The following ATM variants were observed in gnomAD, a reference collection of about 807,000 sequenced individuals.
ATM encodes the protein serine-protein kinase ATM.
In ATM, 308 loss-of-function variants were observed where a neutral mutation model predicts 387.0. That is an observed-to-expected ratio of 0.80 (90% CI 0.73 to 0.87). ATM has a LOEUF of 0.87. ATM is among the 40% of genes least tolerant of loss of function. ATM has a pLI of 0.00. For missense variants in ATM, 3,312 were observed against 3,560.9 expected (o/e 0.93, Z 1.78); for synonymous variants, 1,156 against 1,187.3 (o/e 0.97, Z 0.54).
chr11:108,293,992 ATCTT>A (rs2082984532), intron 31 of ATM, among the ~76,000 whole-genome samples: 4 of 150,632 alleles, frequency 2.7e-5, no homozygotes, highest in Admixed American at 2.7e-4. Flanking sequence ...AAAAAAATGA[ATCTT>A]AATGTATCTC....
At chr11:108,332,676 T>A (rs2136552707) in intron 52 of ATM, 86 bp from the exon 53 acceptor site, 2 of 1,396,272 alleles carry the variant, frequency 1.4e-6, no homozygotes, top group Non-Finnish European at 2.0e-6. Flanking sequence ...GTGCATAAAT[T>A]CTGTTTTTCT....
chr11:108,243,874 A>T (rs2135219463), intron 5 of ATM, 79 bp from the exon 6 acceptor site: 1 of 1,295,124 alleles, frequency 7.7e-7, no homozygotes, highest in South Asian at 1.4e-5. Flanking sequence ...GGATTATGGA[A>T]TATTTAAGTT....
chr11:108,331,373 C>G, intron 50 of ATM, 71 bp from the exon 51 acceptor site: 1 of 1,549,964 alleles, frequency 6.5e-7, no homozygotes, highest in Non-Finnish European at 8.7e-7. Flanking sequence ...CTTAAAATAA[C>G]TTACTTGCTT....
chr11:108,328,493 G>T (rs1333920430), intron 48 of ATM, among the ~76,000 whole-genome samples: 1 of 152,148 alleles, frequency 6.6e-6, no homozygotes, highest in African/African-American at 2.4e-5. Context: ...TGATCCACCT[G>T]CCTCGGCCTC....
intron 16 of ATM, among the ~76,000 whole-genome samples, chr11:108,261,978 C>G (rs1307755765): frequency 6.6e-6 from 1 of 152,108 alleles, no homozygotes; most frequent in African/African-American, 2.4e-5. Flanking sequence ...AAATATGGGA[C>G]TATGGGAAAA....
chr11:108,328,660 A>G (rs998813926), intron 48 of ATM, among the ~76,000 whole-genome samples: 2 of 152,246 alleles, frequency 1.3e-5, no homozygotes, highest in African/African-American at 4.8e-5. Context: ...AGAAAATACC[A>G]TAGTTCAGGG....
intron 45 of ATM, among the ~76,000 whole-genome samples, chr11:108,323,192 C>T (rs909947950): frequency 2.6e-5 from 4 of 152,082 alleles, no homozygotes; most frequent in African/African-American, 9.7e-5. Context: ...TTCAAAATGA[C>T]ATAGCAGAAG....
chr11:108,362,990 CAAAA>C (rs895050205), intron 61 of ATM, among the ~76,000 whole-genome samples: 2 of 151,446 alleles, frequency 1.3e-5, no homozygotes, highest in African/African-American at 4.9e-5. Context: ...AACAAACAAA[CAAAA>C]AAAACACACC....
At position 108,234,628 on chromosome 11, in the gene ATM, G is replaced by A. The variant is rs559101456; in HGVS notation, c.332-1042G>A. Among the ~76,000 whole-genome samples, 114 of 152,202 alleles carry A rather than the reference G, an allele frequency of 7.5e-4. 1 individual carries two copies. Among genetic ancestry groups the A allele is most frequent in the Non-Finnish European group, 1.0e-4 (7 of 68,014 alleles). On this transcript the variant is annotated intron_variant, in intron 4 of 62. Coordinates refer to ENST00000675843, the MANE Select transcript of ATM (RefSeq NM_000051.4). ...AAGACAGGAGAATCCCTTGAGCTCA[G>A]GAGTTCAAGACCAGCCTGGGGAACA...
At position 108,252,154 on chromosome 11, in the gene ATM, T is replaced by C. The variant is rs1296584393; in HGVS notation, c.1802+123T>C. 7.2e-6 allele frequency: 6 copies of C among 834,476 alleles called. No individual in the cohort carries two copies. The East Asian group carries it at 1.6e-4, about 22-fold the overall frequency. The allele number at this position is 834,476 out of a possible 1,614,324, so 51.7% of individuals were successfully genotyped here. The stretch of plus-strand genomic sequence containing the variant: ...ATGCAGAATTTCCCAGATCTAACCT[T>C]AATTATTAAATATTATGTTTGTTTT... On this transcript the variant is annotated intron_variant, in intron 11 of 62. Coordinates refer to ENST00000675843, the MANE Select transcript of ATM (RefSeq NM_000051.4).
intron 5 of ATM, among the ~76,000 whole-genome samples, chr11:108,242,793 T>C (rs2079630777): frequency 6.6e-6 from 1 of 152,170 alleles, no homozygotes; most frequent in Non-Finnish European, 1.5e-5. Context: ...ACTGGGGAAC[T>C]GATGCAAAAA....
chr11:108,296,313 C>A (rs2135851853), intron 32 of ATM, among the ~76,000 whole-genome samples: 1 of 151,910 alleles, frequency 6.6e-6, no homozygotes, highest in South Asian at 2.1e-4. Flanking sequence ...TGCAGTGGCA[C>A]AGTCTCAGCT....
chr11:108,310,267 A>G lies in ATM; in HGVS notation c.5870A>G (p.Tyr1957Cys), dbSNP rs1591746364. 1.9e-6 allele frequency: 3 copies of G among 1,613,592 alleles called. No homozygotes were observed. The highest frequency in any genetic ancestry group is 1.7e-6 in the Non-Finnish European group (2 of 1,179,686). Residue 1957 changes from tyrosine to cysteine, a missense_variant, in exon 39 of 63, where the codon TAT (tyrosine) becomes TGT (cysteine). By Grantham distance (194) the Tyr-to-Cys change is radical. This residue lies in a region of ATM where 1,405 missense variants were observed against 1,604.4 expected (regional missense o/e 0.88). Coordinates refer to ENST00000675843, the MANE Select transcript of ATM (RefSeq NM_000051.4). The stretch of plus-strand genomic sequence containing the variant: ...GCTGCTCACTTTACAGCTTTACTCT[A>G]TGCAGAAATCTATGCAGATAAGAAA... ...SCAAHFTALL[Y>C]AEIYADKKSM...
At chr11:108,317,672 CACTA>C (rs1338120634) in intron 43 of ATM, 151 bp downstream of exon 43, 1 of 228,320 alleles carries the variant, frequency 4.4e-6, no homozygotes, top group Non-Finnish European at 7.5e-6. Flanking sequence ...CACACACACA[CACTA>C]TATATATATA....
At chr11:108,305,081 G>T (rs2083618722) in intron 37 of ATM, among the ~76,000 whole-genome samples, 1 of 152,182 alleles carries the variant, frequency 6.6e-6, no homozygotes, top group Non-Finnish European at 1.5e-5. Flanking sequence ...TATTCCCTCA[G>T]TACATTTTGG....
Position 108,267,208 on chromosome 11 carries a change from T to C in ATM, c.2504T>C (p.Val835Ala), listed in dbSNP as rs765118015. 6.2e-7 allele frequency: 1 copy of C among 1,614,148 alleles called. No individual in the cohort carries two copies. The highest frequency in any genetic ancestry group is 1.1e-5 in the South Asian group (1 of 91,076). The change falls in exon 17 of 63, where the codon GTA becomes GCA. Residue 835 changes from valine to alanine, a missense_variant. Transcript: ENST00000675843. ...AAAAAGCCATTTGACCGTGGAGAAG[T>C]AGAATCAATGGAAGATGATACTAAT... is the stretch of plus-strand genomic sequence containing the variant. ...FIKKPFDRGEVESMEDDTNGN... is the reference protein window; with the variant it reads ...FIKKPFDRGEAESMEDDTNGN...
chr11:108,236,777 CTGTTT>C (rs2079300481), intron 5 of ATM, among the ~76,000 whole-genome samples: 1 of 152,070 alleles, frequency 6.6e-6, no homozygotes, highest in Non-Finnish European at 1.5e-5. Context: ...GTGTTGTTTC[CTGTTT>C]ATAGCTGGGA....
At chr11:108,255,422 C>CT (rs538304080) in intron 13 of ATM, among the ~76,000 whole-genome samples, 23 of 85,372 alleles carry the variant, frequency 2.7e-4, no homozygotes, top group African/African-American at 7.7e-4. Flanking sequence ...ATTGTCTAAA[C>CT]TTTTTTTTTT....
At chr11:108,314,647 C>T (rs1019816746) in intron 40 of ATM, among the ~76,000 whole-genome samples, 2 of 152,014 alleles carry the variant, frequency 1.3e-5, no homozygotes, top group African/African-American at 2.4e-5. Context: ...GAGGTGCTAA[C>T]CCCCTGTGCT....
Sources: allele counts gnomAD v4.1 joint callset (sites outside exome capture counted in the v4.1 genomes callset), GRCh38; gene constraint gnomAD v4.1.1; regional missense constraint gnomAD v4.1.1; transcripts MANE v1.5; gene names NCBI Gene and HGNC (gene_info 2026-07-23, HGNC 2026-07-21).